RPS6KA3: variants seen among roughly 807,000 people sequenced by gnomAD.
The protein encoded by RPS6KA3 is ribosomal protein S6 kinase alpha-3.
RPS6KA3 carries 4 observed loss-of-function variants against 67.2 expected under a neutral mutation model. The ratio of observed to expected loss-of-function variants is 0.06; its 90% CI spans 0.03 to 0.14. The LOEUF is 0.14. Among genes scored for constraint, RPS6KA3 ranks in the 10% least tolerant of loss-of-function variants. The pLI is 1.00. For missense variants in RPS6KA3, 204 were observed against 559.0 expected (o/e 0.36, Z 6.40); for synonymous variants, 182 against 183.7 (o/e 0.99, Z 0.07).
intron 2 of RPS6KA3, among the ~76,000 whole-genome samples, chrX:20,219,260 C>T (rs2068932019): frequency 9.0e-6 from 1 of 111,611 alleles, no homozygotes; most frequent in Non-Finnish European, 1.9e-5. Context: ...GTTGCCACTA[C>T]TAAAAGTTGC....
In RPS6KA3 at chrX:20,175,217, A is replaced by T. The variant is rs1157623710; in HGVS notation, c.1174T>A (p.Ser392Thr). Residue 392 changes from serine to threonine, a missense_variant, in exon 14 of 22, where the codon TCA (serine) becomes ACA (threonine). Coordinates refer to ENST00000379565, the MANE Select transcript of RPS6KA3 (RefSeq NM_004586.3). ...TGCATAGCTTGGCTTTCATCATCTG[A>T]GGTAATAGCAACAAAACTAAACCCC... ...FRGFSFVAITSDDESQAMQTV... is the reference protein window; with the variant it reads ...FRGFSFVAITTDDESQAMQTV... 8.3e-7 allele frequency: 1 copy of T among 1,203,845 alleles called. No individual in the cohort carries two copies. Among genetic ancestry groups the T allele is most frequent in the Non-Finnish European group, 1.1e-6 (1 of 889,128 alleles).
chrX:20,213,974 T>C (rs1036567220), intron 2 of RPS6KA3, among the ~76,000 whole-genome samples: 1 of 111,775 alleles, frequency 8.9e-6, no homozygotes, highest in East Asian at 2.8e-4. Context: ...ATTAAATGTT[T>C]AAATTCATGA....
chrX:20,151,926 T>C lies in RPS6KA3; in HGVS notation c.*3472A>G, dbSNP rs1472549881. On this transcript the variant is annotated 3_prime_UTR_variant, in exon 22 of 22. Coordinates refer to ENST00000379565, the MANE Select transcript of RPS6KA3 (RefSeq NM_004586.3). ...GAAGCCTTTGCTCTGTTCAAATCTT[T>C]CCTGGGCTGAAGGTGCAGGGCACAG... is the stretch of plus-strand genomic sequence containing the variant. 2 of 112,018 alleles carry C rather than the reference T, an allele frequency of 1.8e-5. No individual in the cohort carries two copies. The highest frequency in any genetic ancestry group is 5.6e-4 in the East Asian group (2 of 3,588). 9.2% of individuals were successfully genotyped at this position (112,018 alleles called of 1,213,427 possible).
chrX:20,261,249 G>A (rs1311076658), intron 1 of RPS6KA3, among the ~76,000 whole-genome samples: 6 of 111,307 alleles, frequency 5.4e-5, no homozygotes, highest in African/African-American at 2.0e-4. Flanking sequence ...GAGTAGAGTA[G>A]GGTGACTATA....
intron 1 of RPS6KA3, among the ~76,000 whole-genome samples, 154 bp downstream of exon 1, chrX:20,266,410 G>A (rs1311931752): frequency 1.8e-5 from 2 of 111,478 alleles, no homozygotes; most frequent in Non-Finnish European, 1.9e-5. Context: ...CCGGCCAATA[G>A]ACCCACCCCA....
At chrX:20,189,472 A>C (rs536595372) in intron 7 of RPS6KA3, among the ~76,000 whole-genome samples, 1 of 112,287 alleles carries the variant, frequency 8.9e-6, no homozygotes, top group African/African-American at 3.2e-5. Flanking sequence ...TAGTGAGCTC[A>C]CTGGGTCATG....
intron 2 of RPS6KA3, among the ~76,000 whole-genome samples, chrX:20,231,895 C>G (rs2069274169): frequency 9.0e-6 from 1 of 111,433 alleles, no homozygotes; most frequent in Non-Finnish European, 1.9e-5. Flanking sequence ...ACAAAGGAAC[C>G]TCCCCGAGAG....
chrX:20,261,746 G>A (rs1182783475), intron 1 of RPS6KA3, among the ~76,000 whole-genome samples: 1 of 111,784 alleles, frequency 8.9e-6, no homozygotes, highest in Admixed American at 9.5e-5. Flanking sequence ...TTTACTGAAC[G>A]ATTAAATAGG....
intron 7 of RPS6KA3, among the ~76,000 whole-genome samples, chrX:20,189,982 G>C (rs1422660104): frequency 9.0e-6 from 1 of 110,966 alleles, no homozygotes; most frequent in East Asian, 2.8e-4. Context: ...AACACATTTA[G>C]AGAGTATAAA....
chrX:20,165,789 GAA>G (rs1390854636), intron 17 of RPS6KA3, among the ~76,000 whole-genome samples: 1 of 111,696 alleles, frequency 9.0e-6, no homozygotes, highest in Non-Finnish European at 1.9e-5. Flanking sequence ...ACACATGCAA[GAA>G]ACCTCTTCTT....
chrX:20,225,255 G>A (rs199880809), intron 2 of RPS6KA3, among the ~76,000 whole-genome samples: 10 of 69,692 alleles, frequency 1.4e-4, no homozygotes, highest in African/African-American at 5.0e-4. Context: ...TTTTTTTTTT[G>A]TTTTTTTTTT....
At chrX:20,179,185 G>C (rs748703225) in intron 10 of RPS6KA3, among the ~76,000 whole-genome samples, 6 of 111,836 alleles carry the variant, frequency 5.4e-5, no homozygotes, top group Middle Eastern at 4.7e-3. Context: ...CTTGGAAGAG[G>C]GTGCATGAAA....
chrX:20,166,069 C>T (rs73447124), intron 17 of RPS6KA3, among the ~76,000 whole-genome samples: 1,532 of 112,169 alleles, frequency 0.014, 27 homozygotes, highest in African/African-American at 0.046. Context: ...TGTGGTCTCT[C>T]AAAATACTGT....
Position 20,161,694 on chromosome X carries a change from T to C in RPS6KA3, c.1909A>G (p.Lys637Glu). 1 of 1,176,749 alleles carries C rather than the reference T, an allele frequency of 8.5e-7. No individual in the cohort carries two copies. The change falls in exon 20 of 22, where the codon AAA becomes GAA. Residue 637 changes from lysine (K) to glutamate (E), a missense_variant. Transcript: ENST00000379565. ...CAGTAACCACCACTGAGTGAGAATT[T>C]TCCGCTACCTATTCGTGCCAATATT... Reference protein sequence around the residue: ...EEILARIGSGKFSLSGGYWNS... With the variant: ...EEILARIGSGEFSLSGGYWNS...
intron 10 of RPS6KA3, among the ~76,000 whole-genome samples, chrX:20,183,040 T>C (rs1218793278): frequency 1.8e-5 from 2 of 111,173 alleles, no homozygotes; most frequent in African/African-American, 6.5e-5. Flanking sequence ...TGAGTATCTT[T>C]TCATAAGTTT....
At chrX:20,259,474 C>T (rs920522082) in intron 1 of RPS6KA3, among the ~76,000 whole-genome samples, 19 of 111,054 alleles carry the variant, frequency 1.7e-4, no homozygotes, top group African/African-American at 2.9e-4. Flanking sequence ...ACTATTAAGA[C>T]GGAACATTTT....
chrX:20,264,688 T>C (rs945364069), intron 1 of RPS6KA3, among the ~76,000 whole-genome samples: 2 of 111,802 alleles, frequency 1.8e-5, no homozygotes, highest in South Asian at 7.3e-4. Context: ...GCATTCCAGA[T>C]AGAAAAAGGA....
chrX:20,164,310 C>A, intron 18 of RPS6KA3, among the ~76,000 whole-genome samples: 1 of 109,544 alleles, frequency 9.1e-6, no homozygotes, highest in East Asian at 2.9e-4. Flanking sequence ...AGTGATAGGC[C>A]AGAAGTCCAG....
chrX:20,225,685 T>C (rs1442773093), intron 2 of RPS6KA3, among the ~76,000 whole-genome samples: 1 of 111,590 alleles, frequency 9.0e-6, no homozygotes, highest in African/African-American at 3.3e-5. Context: ...TTTCCACAGT[T>C]TGTGTTTGAA....
Sources: allele counts gnomAD v4.1 joint callset (sites outside exome capture counted in the v4.1 genomes callset), GRCh38; gene constraint gnomAD v4.1.1; transcripts MANE v1.5; gene names NCBI Gene and HGNC (gene_info 2026-07-23, HGNC 2026-07-21).